Variants in RB1CC1 observed in about 807,000 individuals in gnomAD.
The protein encoded by RB1CC1 is RB1 inducible coiled-coil 1.
Under a neutral mutation model 177.5 loss-of-function variants are expected in RB1CC1, and 46 were observed. The observed-to-expected ratio is 0.26, with a 90% CI of 0.20 to 0.33. RB1CC1 has a LOEUF of 0.33. RB1CC1 is among the 10% of genes least tolerant of loss of function. The pLI, the probability that RB1CC1 is intolerant of heterozygous loss-of-function variation, is 1.00. For synonymous variants in RB1CC1, 666 were observed against 613.6 expected (o/e 1.09, Z -1.26); for missense variants, 1,703 against 1,816.3 (o/e 0.94, Z 1.13).
chr8:52,651,158 A>G (rs1299674526), intron 15 of RB1CC1, among the ~76,000 whole-genome samples: 1 of 152,236 alleles, frequency 6.6e-6, no homozygotes, highest in Non-Finnish European at 1.5e-5. Context: ...AGTGAGGCCA[A>G]AATTATTTAT....
chr8:52,696,666 C>T (rs1406110910), intron 1 of RB1CC1, among the ~76,000 whole-genome samples: 1 of 152,090 alleles, frequency 6.6e-6, no homozygotes, highest in Non-Finnish European at 1.5e-5. Context: ...ATGATAAAAA[C>T]TTAAAAAGCA....
chr8:52,685,500 C>A lies in RB1CC1; in HGVS notation c.-31G>T. ...TTTATCTGAATTCTGTGAGCTTATACCTCACCCTCTGATACAGTTACTAGA... is the reference window on the plus strand; with the variant it reads ...TTTATCTGAATTCTGTGAGCTTATAACTCACCCTCTGATACAGTTACTAGA... On this transcript the variant is annotated 5_prime_UTR_variant, in exon 3 of 24. Transcript: ENST00000025008. 7.3e-7 allele frequency: 1 copy of A among 1,361,676 alleles called. No homozygotes were observed. The highest frequency in any genetic ancestry group is 1.2e-5 in the South Asian group (1 of 82,650). The allele number at this position is 1,361,676 out of a possible 1,614,324, so 84.3% of individuals were successfully genotyped here.
chr8:52,669,154 T>G (rs980936505), intron 7 of RB1CC1, among the ~76,000 whole-genome samples: 3 of 152,228 alleles, frequency 2.0e-5, no homozygotes, highest in Non-Finnish European at 2.9e-5. Context: ...CCTTCTATTA[T>G]TGACTTACTA....
intron 5 of RB1CC1, among the ~76,000 whole-genome samples, chr8:52,679,537 A>G (rs1291121620): frequency 6.6e-6 from 1 of 152,354 alleles, no homozygotes; most frequent in Non-Finnish European, 1.5e-5. Flanking sequence ...GAACCAAACC[A>G]ATGTACTTCT....
intron 13 of RB1CC1, 65 bp downstream of exon 13, chr8:52,658,808 A>C: frequency 8.5e-7 from 1 of 1,178,874 alleles, no homozygotes; most frequent in Non-Finnish European, 1.2e-6. Context: ...ACTACCTGGC[A>C]CAACTCCAGA....
At chr8:52,698,958 T>C (rs541071212) in intron 1 of RB1CC1, among the ~76,000 whole-genome samples, 4 of 152,084 alleles carry the variant, frequency 2.6e-5, no homozygotes, top group South Asian at 4.2e-4. Flanking sequence ...CCCAAAGTGC[T>C]GGGATTACAG....
chr8:52,666,039 C>T (rs1852034898), intron 8 of RB1CC1, among the ~76,000 whole-genome samples: 1 of 152,212 alleles, frequency 6.6e-6, no homozygotes, highest in East Asian at 1.9e-4. Context: ...GTCCAATCAT[C>T]CAAATCTCTG....
Position 52,658,078 on chromosome 8 carries a change from C to A in RB1CC1, c.1840G>T (p.Ala614Ser). 2 of 1,613,842 alleles carry A rather than the reference C, an allele frequency of 1.2e-6. No individual in the cohort carries two copies. The highest frequency in any genetic ancestry group is 1.7e-6 in the Non-Finnish European group (2 of 1,179,926). The change falls in exon 14 of 24, where the codon GCT (alanine) becomes TCT (serine). Residue 614 changes from alanine to serine, a missense_variant. By Grantham distance (99) the Ala-to-Ser change is moderately conservative. This residue lies in a region of RB1CC1 where 1,169 missense variants were observed against 1,184.7 expected (regional missense o/e 0.99). Coordinates refer to ENST00000025008, the MANE Select transcript of RB1CC1 (RefSeq NM_014781.5). The stretch of plus-strand genomic sequence containing the variant: ...GCTGCTTTTACCAAATTATGTAGAG[C>A]AAGTACATGCTGGTGTAGAGGTTCA... Reference protein sequence around the residue: ...DFEPLHQHVLALHNLVKAAQS... With the variant: ...DFEPLHQHVLSLHNLVKAAQS...
At chr8:52,681,677 T>TC (rs1041648815) in intron 5 of RB1CC1, among the ~76,000 whole-genome samples, 6 of 152,292 alleles carry the variant, frequency 3.9e-5, no homozygotes, top group African/African-American at 1.4e-4. Context: ...ACGCCTATAA[T>TC]CCCAGCACTT....
At chr8:52,638,782 C>T (rs1849343748) in intron 18 of RB1CC1, among the ~76,000 whole-genome samples, 1 of 151,990 alleles carries the variant, frequency 6.6e-6, no homozygotes, top group South Asian at 2.1e-4. Context: ...AAATATGGCT[C>T]ACCTCTCACC....
rs1855701154 is a variant in RB1CC1 at position 52,698,669 on chromosome 8, GGTTTTTTTTTTTTTTTTTTTTTTTTT to G, written c.-166-11728_-166-11703del. On this transcript the variant is annotated intron_variant, in intron 1 of 23. Transcript: ENST00000025008. ...AACAAAAACTGTATATGTAATGGTT[GGTTTTTTTTTTTTTTTTTTTTTTTTT>G]TTTTTTTTTTTTTTTTTTTTTTTTT... Among the ~76,000 whole-genome samples the G allele has an allele frequency of 1.2e-3, 28 of 22,770 alleles. 9 individuals carry two copies. Among genetic ancestry groups the G allele is most frequent in the African/African-American group, 3.3e-3 (24 of 7,330 alleles). 14.9% of individuals were successfully genotyped at this position (22,770 alleles called of 152,430 possible). A position where few individuals can be genotyped will look rare whatever the true frequency, so the allele number is the denominator to read the frequency against.
chr8:52,653,104 T>C (rs972256813), intron 15 of RB1CC1, among the ~76,000 whole-genome samples: 2 of 152,028 alleles, frequency 1.3e-5, no homozygotes. Context: ...GTTTGCTGAC[T>C]CCTGATCTAC....
intron 18 of RB1CC1, among the ~76,000 whole-genome samples, chr8:52,637,394 C>G (rs958331670): frequency 1.3e-5 from 2 of 152,086 alleles, no homozygotes; most frequent in Non-Finnish European, 2.9e-5. Flanking sequence ...TTTTAAGAGA[C>G]AGGGTCTTGT....
At chr8:52,628,489 T>C (rs1164474628) in intron 21 of RB1CC1, among the ~76,000 whole-genome samples, 1 of 152,192 alleles carries the variant, frequency 6.6e-6, no homozygotes, top group Non-Finnish European at 1.5e-5. Context: ...AGCAAGATTT[T>C]TTTCTCCTAA....
intron 1 of RB1CC1, among the ~76,000 whole-genome samples, chr8:52,702,937 G>C (rs1408321464): frequency 6.6e-6 from 1 of 151,968 alleles, no homozygotes; most frequent in East Asian, 1.9e-4. Flanking sequence ...GCACTCAAAA[G>C]CATCTGTTGA....
chr8:52,676,687 G>A (rs1853159397), intron 5 of RB1CC1, 116 bp from the exon 6 acceptor site: 4 of 897,168 alleles, frequency 4.5e-6, no homozygotes, highest in Admixed American at 5.6e-5. Context: ...ATTTAACAAA[G>A]TATTTCAAAG....
chr8:52,646,313 CA>C (rs1419028107), intron 15 of RB1CC1, among the ~76,000 whole-genome samples: 3 of 151,726 alleles, frequency 2.0e-5, no homozygotes, highest in African/African-American at 7.3e-5. Context: ...AACAAACAAA[CA>C]AACAACAAAA....
chr8:52,628,338 T>A (rs901869172), intron 21 of RB1CC1, among the ~76,000 whole-genome samples, 170 bp from the exon 22 acceptor site: 20 of 152,208 alleles, frequency 1.3e-4, no homozygotes, highest in Non-Finnish European at 8.8e-5. Context: ...CTAATGGGAC[T>A]GCTGGTCATG....
intron 19 of RB1CC1, 80 bp from the exon 20 acceptor site, chr8:52,635,048 A>G: frequency 7.7e-7 from 1 of 1,301,776 alleles, no homozygotes; most frequent in Non-Finnish European, 1.1e-6. Flanking sequence ...CAAAGTTTTC[A>G]TCAGACAAAA....
Sources: gnomAD v4.1 joint callset for allele counts (sites outside exome capture counted in the v4.1 genomes callset) on GRCh38, gnomAD v4.1.1 for gene constraint, gnomAD v4.1.1 regional missense constraint, MANE v1.5 for transcripts, NCBI Gene and HGNC (gene_info 2026-07-23, HGNC 2026-07-21) for gene names.